The following PPFIBP2 variants were observed in gnomAD, a reference collection of about 807,000 sequenced individuals.
PPFIBP2 encodes the protein PPFIB scaffold protein 2.
Under a neutral mutation model 118.3 loss-of-function variants are expected in PPFIBP2, and 118 were observed. The observed-to-expected ratio is 1.00, with a 90% CI of 0.86 to 1.16. PPFIBP2 has a LOEUF of 1.16. Ranked by LOEUF, PPFIBP2 falls within the 50% of genes most tolerant of loss-of-function variation. The pLI, the probability that PPFIBP2 is intolerant of heterozygous loss-of-function variation, is 0.00. For missense variants in PPFIBP2, 1,195 were observed against 1,073.1 expected, an observed-to-expected ratio of 1.11 and a Z score of -1.59; for synonymous variants, 414 against 397.4, an observed-to-expected ratio of 1.04 and a Z score of -0.50.
At chr11:7,562,552 G>A (rs951146697) in intron 2 of PPFIBP2, among the ~76,000 whole-genome samples, 3 of 152,092 alleles carry the variant, frequency 2.0e-5, no homozygotes, top group Non-Finnish European at 4.4e-5. Flanking sequence ...CACAAATTAC[G>A]AATATTAAGA....
chr11:7,565,004 T>C (rs1854792399), intron 2 of PPFIBP2, among the ~76,000 whole-genome samples: 1 of 146,808 alleles, frequency 6.8e-6, no homozygotes, highest in Non-Finnish European at 1.5e-5. Flanking sequence ...CTGTGTAATC[T>C]ATGACTTTAA....
the PPFIBP2 span, among the ~76,000 whole-genome samples, chr11:7,664,560 G>A: frequency 1.3e-5 from 2 of 152,176 alleles, no homozygotes; most frequent in Admixed American, 1.3e-4. Flanking sequence ...TTTGTTATCT[G>A]TTCCCTGAGC....
At chr11:7,646,607 C>T (rs570136986) in intron 17 of PPFIBP2, among the ~76,000 whole-genome samples, 1 of 152,290 alleles carries the variant, frequency 6.6e-6, no homozygotes, top group Non-Finnish European at 1.5e-5. Flanking sequence ...GACCTGTAGT[C>T]CCAGCTACTT....
intron 3 of PPFIBP2, among the ~76,000 whole-genome samples, chr11:7,584,686 C>T (rs1045811808): frequency 1.3e-5 from 2 of 152,168 alleles, no homozygotes; most frequent in African/African-American, 4.8e-5. Flanking sequence ...GTTGGGTAAC[C>T]AGAGTCCTGT....
chr11:7,552,760 C>T (rs553307386), intron 2 of PPFIBP2, among the ~76,000 whole-genome samples: 1 of 152,142 alleles, frequency 6.6e-6, no homozygotes, highest in African/African-American at 2.4e-5. Flanking sequence ...GCTTGCCCCC[C>T]CCTCTCCTGG....
chr11:7,612,261 A>G (rs1848155357), intron 6 of PPFIBP2, among the ~76,000 whole-genome samples: 1 of 152,236 alleles, frequency 6.6e-6, no homozygotes, highest in African/African-American at 2.4e-5. Context: ...TAGCTCCGGA[A>G]TGATATCCTG....
At chr11:7,648,280 TTTTTG>T (rs1853417082) in intron 17 of PPFIBP2, 102 bp from the exon 18 acceptor site, 2 of 1,322,530 alleles carry the variant, frequency 1.5e-6, no homozygotes, top group Non-Finnish European at 2.0e-6. Flanking sequence ...AAAAACAGGT[TTTTTG>T]TTTTGTTTTT....
chr11:7,648,060 C>G (rs1853377834), intron 17 of PPFIBP2: 1 of 198,284 alleles, frequency 5.0e-6, no homozygotes, highest in African/African-American at 2.3e-5. Flanking sequence ...GGCCACAGCT[C>G]TGGACTTGTG....
chr11:7,646,496 T>C (rs547423522), intron 17 of PPFIBP2, among the ~76,000 whole-genome samples: 13 of 152,346 alleles, frequency 8.5e-5, no homozygotes, highest in African/African-American at 3.1e-4. Context: ...TCTGTTGTCA[T>C]AGAATATATT....
At chr11:7,612,642 T>G (rs1848200664) in intron 6 of PPFIBP2, among the ~76,000 whole-genome samples, 1 of 152,234 alleles carries the variant, frequency 6.6e-6, no homozygotes, top group Admixed American at 6.5e-5. Context: ...TGTTCATACA[T>G]AAGGCGACGT....
intron 1 of PPFIBP2, among the ~76,000 whole-genome samples, chr11:7,536,472 G>A (rs77438131): frequency 0.098 from 14,964 of 152,090 alleles, 905 homozygotes; most frequent in Non-Finnish European, 0.14. Flanking sequence ...GTTTGGAGGG[G>A]GAATAATTGA....
chr11:7,558,612 C>G (rs1004769144), intron 2 of PPFIBP2, among the ~76,000 whole-genome samples: 3 of 151,998 alleles, frequency 2.0e-5, no homozygotes, highest in African/African-American at 7.2e-5. Context: ...AAAAATTAGC[C>G]AGGCGTGGTG....
chr11:7,636,160 T>C (rs1278351618), intron 14 of PPFIBP2, among the ~76,000 whole-genome samples: 1 of 152,202 alleles, frequency 6.6e-6, no homozygotes, highest in Admixed American at 6.5e-5. Flanking sequence ...TTTATAACAT[T>C]ATATGGAAAA....
At chr11:7,665,917 A>G in the PPFIBP2 span, 31 of 1,535,964 alleles carry the variant, frequency 2.0e-5, no homozygotes, top group Non-Finnish European at 2.6e-5. Flanking sequence ...TCAGTAGGGT[A>G]GCGCCCTCTG....
intron 2 of PPFIBP2, among the ~76,000 whole-genome samples, chr11:7,557,248 A>ATT (rs35265627): frequency 4.7e-5 from 7 of 148,644 alleles, no homozygotes; most frequent in Admixed American, 3.4e-4. Context: ...TTTGGTTTGT[A>ATT]TTTTTTTTTT....
At chr11:7,643,033 G>C (rs1321858456) in intron 17 of PPFIBP2, among the ~76,000 whole-genome samples, 3 of 152,128 alleles carry the variant, frequency 2.0e-5, no homozygotes, top group African/African-American at 7.2e-5. Context: ...CAGACTCCAG[G>C]AAGCTTGAAA....
At chr11:7,544,772 TA>T (rs1194860244) in intron 1 of PPFIBP2, among the ~76,000 whole-genome samples, 21,728 of 86,098 alleles carry the variant, frequency 0.25, 2,436 homozygotes, top group African/African-American at 0.3. Context: ...AGACTCCATC[TA>T]AAAAAAAAAA....
In PPFIBP2 at chr11:7,642,446, C is replaced by G. The variant is rs368524593; in HGVS notation, c.1646+20C>G. On this transcript the variant is annotated intron_variant, in intron 17 of 23. Coordinates refer to ENST00000299492, the MANE Select transcript of PPFIBP2 (RefSeq NM_003621.5). ...GAAAAGGTAAGGCTTGACCCACTTTCCTTTGATCTCCCTGCTCTGAAAAAG... is the reference window on the plus strand; with the variant it reads ...GAAAAGGTAAGGCTTGACCCACTTTGCTTTGATCTCCCTGCTCTGAAAAAG... 2.9e-5 allele frequency: 47 copies of G among 1,602,154 alleles called. No individual in the cohort carries two copies. The highest frequency in any genetic ancestry group is 1.7e-4 in the Middle Eastern group (1 of 6,040).
intron 1 of PPFIBP2, among the ~76,000 whole-genome samples, chr11:7,533,677 A>G (rs1232712040): frequency 6.6e-6 from 1 of 152,176 alleles, no homozygotes; most frequent in African/African-American, 2.4e-5. Flanking sequence ...GGTCATTTGG[A>G]TAAGGCCTTA....
Sources: gnomAD v4.1 joint callset for allele counts (sites outside exome capture counted in the v4.1 genomes callset) on GRCh38, gnomAD v4.1.1 for gene constraint, MANE v1.5 for transcripts, NCBI Gene and HGNC (gene_info 2026-07-23, HGNC 2026-07-21) for gene names.